DDHD1: variants seen among roughly 807,000 people sequenced by gnomAD.
DDHD1 encodes the protein DDHD domain containing 1.
A neutral mutation model predicts 96.4 loss-of-function variants in DDHD1; 49 were observed. That is an observed-to-expected ratio of 0.51 (90% confidence interval 0.40 to 0.64). The LOEUF (loss-of-function observed/expected upper bound fraction) is 0.64. DDHD1 is among the 30% of genes least tolerant of loss of function. The pLI is 0.00. For synonymous variants in DDHD1, 442 were observed against 446.5 expected, an observed-to-expected ratio of 0.99 and a Z score of 0.13; for missense variants, 1,106 against 1,161.2, an observed-to-expected ratio of 0.95 and a Z score of 0.69.
chr14:53,093,720 GC>G (rs1470639922), intron 2 of DDHD1: 3 of 329,520 alleles, frequency 9.1e-6, no homozygotes, highest in Non-Finnish European at 1.6e-5. Flanking sequence ...CTAATATACA[GC>G]TTCTATGTGT....
intron 7 of DDHD1, among the ~76,000 whole-genome samples, chr14:53,062,409 G>C (rs1883663017): frequency 6.6e-6 from 1 of 151,822 alleles, no homozygotes; most frequent in Admixed American, 6.6e-5. Context: ...ATGAAGATAG[G>C]AATGCAGCAA....
chr14:53,078,577 T>C (rs1885166314), intron 4 of DDHD1, among the ~76,000 whole-genome samples: 2 of 152,202 alleles, frequency 1.3e-5, no homozygotes, highest in African/African-American at 4.8e-5. Flanking sequence ...ATTCTGAGGG[T>C]TGTCTTCATT....
chr14:53,103,243 T>G, intron 2 of DDHD1: 1 of 476,746 alleles, frequency 2.1e-6, no homozygotes, highest in Non-Finnish European at 3.6e-6. Context: ...CTTGATATGG[T>G]TTTCAATAGG....
intron 1 of DDHD1, chr14:53,149,657 G>C (rs1891216228): frequency 6.6e-6 from 1 of 152,178 alleles, no homozygotes; most frequent in Admixed American, 6.5e-5. Context: ...ATCTTGTAGA[G>C]AACTATTTAG....
intron 1 of DDHD1, among the ~76,000 whole-genome samples, chr14:53,143,977 T>C (rs1207964908): frequency 1.3e-5 from 2 of 152,210 alleles, no homozygotes; most frequent in African/African-American, 4.8e-5. Flanking sequence ...CTTGATGGAT[T>C]ATAGGTCTTT....
intron 1 of DDHD1, among the ~76,000 whole-genome samples, chr14:53,132,317 T>TACC (rs1889925729): frequency 6.6e-6 from 1 of 152,176 alleles, no homozygotes; most frequent in Admixed American, 6.5e-5. Context: ...TTATTCCTGA[T>TACC]ACCACACATG....
chr14:53,100,675 A>T (rs1887232064), intron 2 of DDHD1, among the ~76,000 whole-genome samples: 2 of 152,188 alleles, frequency 1.3e-5, no homozygotes, highest in South Asian at 4.1e-4. Context: ...AGCCAAGGTC[A>T]GAAGAAAAAG....
intron 1 of DDHD1, among the ~76,000 whole-genome samples, chr14:53,145,506 A>C (rs1890920780): frequency 6.8e-6 from 1 of 148,002 alleles, no homozygotes; most frequent in South Asian, 2.1e-4. Context: ...TTGTCTCAAA[A>C]AAAAAAAAAA....
chr14:53,104,516 T>C (rs1309045436), intron 1 of DDHD1, among the ~76,000 whole-genome samples: 1 of 152,128 alleles, frequency 6.6e-6, no homozygotes, highest in Non-Finnish European at 1.5e-5. Flanking sequence ...GTGTGTGTGG[T>C]AGTAGTGTGT....
intron 6 of DDHD1, among the ~76,000 whole-genome samples, chr14:53,072,031 T>C (rs1166444089): frequency 6.6e-6 from 1 of 152,120 alleles, no homozygotes; most frequent in Non-Finnish European, 1.5e-5. Flanking sequence ...TTTTTTAAAA[T>C]AAGGGTTAAA....
At chr14:53,072,494 G>T in intron 6 of DDHD1, 103 bp downstream of exon 6, 1 of 535,452 alleles carries the variant, frequency 1.9e-6, no homozygotes. Context: ...ATGAATTCCT[G>T]TAATTTCTCA....
chr14:53,055,704 T>G lies in DDHD1; in HGVS notation c.2201A>C (p.His734Pro), dbSNP rs1189758781. 6.2e-7 allele frequency: 1 copy of G among 1,614,148 alleles called. No homozygotes were observed. The highest frequency in any genetic ancestry group is 2.2e-5 in the East Asian group (1 of 44,876). The change falls in exon 10 of 13, where the codon CAC becomes CCC. Residue 734 changes from histidine to proline, a missense_variant. His to Pro is a moderately conservative substitution (Grantham distance 77). This residue lies in a region of DDHD1 where 650 missense variants were observed against 758.8 expected (regional missense o/e 0.86). Transcript: ENST00000673822. Reference sequence around the variant, plus strand: ...TATATTTGTTATAGATTCTCCATAGTGTCGGCGGGACAAAACTGGTGAGGT... The same window carrying G: ...TATATTTGTTATAGATTCTCCATAGGGTCGGCGGGACAAAACTGGTGAGGT... ...PVTSPVLSRR[H>P]YGESITNIGK...
intron 1 of DDHD1, among the ~76,000 whole-genome samples, chr14:53,122,751 C>A (rs775039019): frequency 6.6e-6 from 1 of 151,550 alleles, no homozygotes; most frequent in Non-Finnish European, 1.5e-5. Flanking sequence ...TTATTTTTAG[C>A]AGAGATGGAG....
At chr14:53,097,945 C>A (rs1233625668) in intron 2 of DDHD1, among the ~76,000 whole-genome samples, 2 of 151,836 alleles carry the variant, frequency 1.3e-5, no homozygotes, top group Non-Finnish European at 2.9e-5. Context: ...TCTTTCTTTT[C>A]AAATGTAATT....
In DDHD1 at chr14:53,073,825, T is replaced by C. The variant is rs1383420782; in HGVS notation, c.1312A>G (p.Ile438Val). Residue 438 changes from isoleucine to valine, a missense_variant, in exon 5 of 13, where the codon ATA becomes GTA. Coordinates refer to ENST00000673822, the MANE Select transcript of DDHD1 (RefSeq NM_001160148.2). The part of the protein sequence containing the change: ...TAMMREAARK[I>V]EERHFSNHAT... ...TGGTTGGAAAAATGCCTTTCTTCTA[T>C]TTTTCTTGCAGCTTCTCTCATCCTA... 1.2e-6 allele frequency: 2 copies of C among 1,611,164 alleles called. No homozygotes were observed. The highest frequency in any genetic ancestry group is 1.7e-5 in the Admixed American group (1 of 59,782).
chr14:53,098,734 T>A (rs548398723), intron 2 of DDHD1, among the ~76,000 whole-genome samples: 3 of 152,194 alleles, frequency 2.0e-5, no homozygotes, highest in African/African-American at 7.2e-5. Context: ...GTACGGGGTA[T>A]ATTTATTCAG....
In DDHD1 at chr14:53,039,256, G is replaced by A. The variant is rs1881476061; in HGVS notation, c.*7512C>T. The A allele has an allele frequency of 6.6e-6, 1 of 152,134 alleles. No individual in the cohort carries two copies. The highest frequency in any genetic ancestry group is 2.4e-5 in the African/African-American group (1 of 41,416). The allele number at this position is 152,134 out of a possible 1,614,324, so 9.4% of individuals were successfully genotyped here. A position where few individuals can be genotyped will look rare whatever the true frequency, so the allele number is the denominator to read the frequency against. On this transcript the variant is annotated 3_prime_UTR_variant, in exon 13 of 13. Coordinates refer to ENST00000673822, the MANE Select transcript of DDHD1 (RefSeq NM_001160148.2). ...GAAAGGGTGGAGTTTTGCCATGGAT[G>A]GCTCCATCCTCATATCACCCCATGT...
chr14:53,152,835 G>C lies in DDHD1; in HGVS notation c.264C>G (p.Asn88Lys). 1 of 1,612,578 alleles carries C rather than the reference G, an allele frequency of 6.2e-7. No individual in the cohort carries two copies. Among genetic ancestry groups the C allele is most frequent in the Non-Finnish European group, 8.5e-7 (1 of 1,179,452 alleles). Residue 88 changes from asparagine (N) to lysine (K), a missense_variant, in exon 1 of 13, where the codon AAC becomes AAG. Physicochemically the swap from Asn to Lys is moderately conservative, Grantham distance 94. Coordinates refer to ENST00000673822, the MANE Select transcript of DDHD1 (RefSeq NM_001160148.2). Reference protein sequence around the residue: ...LALDPCLSDENYDFSSAESGS... With the variant: ...LALDPCLSDEKYDFSSAESGS... ...CCGACTCGGCGGAGCTGAAGTCATA[G>C]TTCTCGTCACTGAGGCAGGGGTCCA...
intron 4 of DDHD1, among the ~76,000 whole-genome samples, chr14:53,089,449 A>G (rs909960698): frequency 6.6e-6 from 1 of 152,232 alleles, no homozygotes; most frequent in Non-Finnish European, 1.5e-5. Flanking sequence ...ACAGCATGGT[A>G]CTGGTATCAA....
Sources: gnomAD v4.1 joint callset for allele counts (sites outside exome capture counted in the v4.1 genomes callset) on GRCh38, gnomAD v4.1.1 for gene constraint, gnomAD v4.1.1 regional missense constraint, MANE v1.5 for transcripts, NCBI Gene and HGNC (gene_info 2026-07-23, HGNC 2026-07-21) for gene names.